NID2: variants seen among roughly 807,000 people sequenced by gnomAD.
NID2 encodes nidogen-2.
A neutral mutation model predicts 145.4 loss-of-function variants in NID2; 83 were observed. The observed-to-expected ratio is 0.57, with a 90% CI of 0.48 to 0.69. NID2 has a LOEUF of 0.69. Ranked by LOEUF, NID2 falls within the 30% of genes least tolerant of loss-of-function variation. NID2 has a pLI of 0.00. For missense variants in NID2, 1,807 were observed against 1,765.7 expected, an observed-to-expected ratio of 1.02 and a Z score of -0.42; for synonymous variants, 739 against 701.3, an observed-to-expected ratio of 1.05 and a Z score of -0.85.
intron 2 of NID2, among the ~76,000 whole-genome samples, chr14:52,065,718 T>C (rs1893179063): frequency 9.9e-6 from 1 of 101,106 alleles, no homozygotes; most frequent in Non-Finnish European, 1.8e-5. Flanking sequence ...TGTGATCTCA[T>C]TGTTCAATTC....
At chr14:52,052,764 C>T (rs1892718335) in intron 5 of NID2, among the ~76,000 whole-genome samples, 1 of 152,176 alleles carries the variant, frequency 6.6e-6, no homozygotes, top group South Asian at 2.1e-4. Context: ...CCTCTTTCTT[C>T]CTATCAGAGG....
chr14:52,040,324 C>T (rs551173897), intron 8 of NID2, among the ~76,000 whole-genome samples: 63 of 151,880 alleles, frequency 4.1e-4, no homozygotes, highest in Admixed American at 1.3e-3. Context: ...TTCCAATAAT[C>T]ACTATTTTTC....
chr14:52,031,262 C>T (rs36027389), intron 9 of NID2, among the ~76,000 whole-genome samples: 9,923 of 152,178 alleles, frequency 0.065, 365 homozygotes, highest in Middle Eastern at 0.13. Context: ...GAAATAGGAA[C>T]ATGTACATCT....
intron 2 of NID2, among the ~76,000 whole-genome samples, chr14:52,065,957 A>G (rs1270282987): frequency 2.0e-5 from 3 of 149,414 alleles, no homozygotes; most frequent in South Asian, 2.2e-4. Flanking sequence ...TAGTGCCGCA[A>G]TAAACATACG....
At chr14:52,048,489 G>A (rs1892581673) in intron 5 of NID2, among the ~76,000 whole-genome samples, 1 of 152,094 alleles carries the variant, frequency 6.6e-6, no homozygotes, top group African/African-American at 2.4e-5. Flanking sequence ...GATGAGATGT[G>A]CAATAAACCC....
intron 18 of NID2, chr14:52,008,919 A>G (rs529646800): frequency 1.3e-5 from 2 of 152,308 alleles, no homozygotes; most frequent in South Asian, 2.1e-4. Flanking sequence ...AAAATGAAAT[A>G]TATTCATAAC....
At position 52,020,579 on chromosome 14, in the gene NID2, G is replaced by T. The variant is rs544535544; in HGVS notation, c.2675-401C>A. ...ATAAAGACAAATATATCCAACAATGGTTTTTTTTTCTTTCGTTGTTGGCAC... is the reference window on the plus strand; with the variant it reads ...ATAAAGACAAATATATCCAACAATGTTTTTTTTTTCTTTCGTTGTTGGCAC... On this transcript the variant is annotated intron_variant, in intron 12 of 21. Transcript: ENST00000216286. 1.5e-4 allele frequency among the ~76,000 whole-genome samples: 22 copies of T among 151,216 alleles called. No individual in the cohort carries two copies. The South Asian group carries it at 3.6e-3, about 25-fold the overall frequency.
intron 12 of NID2, among the ~76,000 whole-genome samples, chr14:52,021,736 G>A (rs1891406601): frequency 6.6e-6 from 1 of 152,146 alleles, no homozygotes; most frequent in Non-Finnish European, 1.5e-5. Context: ...CGCCTATAAA[G>A]GCAAGAAAGC....
chr14:52,049,734 G>C lies in NID2; in HGVS notation c.1429+3845C>G, dbSNP rs114075847. Among the ~76,000 whole-genome samples, 726 of 152,260 alleles carry C rather than the reference G, an allele frequency of 4.8e-3. 9 individuals carry two copies. Among genetic ancestry groups the C allele is most frequent in the African/African-American group, 0.016 (678 of 41,552 alleles). On this transcript the variant is annotated intron_variant, in intron 5 of 21. Coordinates refer to ENST00000216286, the MANE Select transcript of NID2 (RefSeq NM_007361.4). ...ATGTTTGTTTAATTTTGATGTGTGT[G>C]GCATGTAATGATGCTGGTGGCAGTG...
chr14:52,027,629 T>C (rs1283058831), intron 11 of NID2, among the ~76,000 whole-genome samples: 15 of 92,216 alleles, frequency 1.6e-4, no homozygotes, highest in African/African-American at 5.9e-4. Flanking sequence ...TCCAGAGCAA[T>C]TGCTACACAC....
At position 52,006,672 on chromosome 14, in the gene NID2, AAG is replaced by A; in HGVS notation, c.3881-14_3881-13del. On this transcript the variant is annotated splice_polypyrimidine_tract_variant and intron_variant, in intron 19 of 21. Transcript: ENST00000216286. ...CAGTTTTTTGGTTCCTTTTAAAACAAAGGGGGAAAATGAGGTCCTTCAGCTGC... is the reference window on the plus strand; with the variant it reads ...CAGTTTTTTGGTTCCTTTTAAAACAAGGGGAAAATGAGGTCCTTCAGCTGC... 2 of 1,613,050 alleles carry A rather than the reference AAG, an allele frequency of 1.2e-6. No homozygotes were observed. Among genetic ancestry groups the A allele is most frequent in the African/African-American group, 1.3e-5 (1 of 75,012 alleles).
chr14:52,011,194 G>T, intron 17 of NID2, 147 bp from the exon 18 acceptor site: 2 of 702,496 alleles, frequency 2.8e-6, no homozygotes, highest in Non-Finnish European at 4.7e-6. Context: ...GGTTAATAGA[G>T]AAACAAGTAC....
chr14:52,021,932 T>G (rs1484033368), intron 12 of NID2, among the ~76,000 whole-genome samples: 3 of 152,178 alleles, frequency 2.0e-5, no homozygotes, highest in African/African-American at 7.2e-5. Context: ...GCTGTAAAAC[T>G]GGCTGTAAAA....
chr14:52,059,294 T>C (rs1892951629), intron 3 of NID2, among the ~76,000 whole-genome samples: 1 of 152,174 alleles, frequency 6.6e-6, no homozygotes. Flanking sequence ...GTGGATGGCA[T>C]GCTAAAAGTG....
chr14:52,055,460 G>A (rs886804228), intron 3 of NID2, among the ~76,000 whole-genome samples: 1 of 152,134 alleles, frequency 6.6e-6, no homozygotes, highest in Non-Finnish European at 1.5e-5. Flanking sequence ...TTTTTGCACT[G>A]AAAAAGTTAA....
intron 5 of NID2, among the ~76,000 whole-genome samples, chr14:52,051,041 A>G (rs1005104496): frequency 1.3e-5 from 2 of 152,228 alleles, no homozygotes; most frequent in African/African-American, 4.8e-5. Flanking sequence ...CCTCAGAGAA[A>G]GCATGCTTGC....
At chr14:52,011,126 G>A (rs1891001813) in intron 17 of NID2, 79 bp from the exon 18 acceptor site, 1 of 1,435,840 alleles carries the variant, frequency 7.0e-7, no homozygotes, top group Non-Finnish European at 9.6e-7. Flanking sequence ...CGGTCGGGTG[G>A]GCAGGGGGGT....
At chr14:52,061,560 G>T (rs1031713669) in intron 2 of NID2, among the ~76,000 whole-genome samples, 3 of 152,122 alleles carry the variant, frequency 2.0e-5, no homozygotes, top group African/African-American at 7.2e-5. Flanking sequence ...AAGAGCCGGG[G>T]TGTGTGTCCA....
At position 52,067,885 on chromosome 14, in the gene NID2, G is replaced by T. The variant is rs1222470464; in HGVS notation, c.507C>A (p.Val169=). The change falls in exon 2 of 22, where the codon GTC becomes GTA. Residue 169 remains valine, a synonymous_variant. Transcript: ENST00000216286. The stretch of plus-strand genomic sequence containing the variant: ...CTCCCGAGGGCAGCGCCCCGCGCTT[G>T]ACCTCCTCGTAAGCGCCTACCTGCT... ...TWEQVGAYEE[V]KRGALPSGEL... is the part of the protein sequence containing the mutation. 2 of 1,612,428 alleles carry T rather than the reference G, an allele frequency of 1.2e-6. No individual in the cohort carries two copies. The highest frequency in any genetic ancestry group is 1.7e-5 in the Admixed American group (1 of 59,944).
Sources: gnomAD v4.1 joint callset for allele counts (sites outside exome capture counted in the v4.1 genomes callset) on GRCh38, gnomAD v4.1.1 for gene constraint, MANE v1.5 for transcripts, NCBI Gene and HGNC (gene_info 2026-07-23, HGNC 2026-07-21) for gene names.